Variants in CDH13 observed in about 807,000 individuals in gnomAD.
CDH13 encodes cadherin 13.
In CDH13, 24 loss-of-function variants were observed where a neutral mutation model predicts 63.8. The observed-to-expected ratio is 0.38, with a 90% confidence interval of 0.27 to 0.53. The LOEUF is 0.53. Ranked by LOEUF, CDH13 falls within the 20% of genes least tolerant of loss-of-function variation. CDH13 has a pLI of 0.85. For synonymous variants in CDH13, 503 were observed against 355.3 expected (o/e 1.42, Z -4.67); for missense variants, 1,049 against 903.1 (o/e 1.16, Z -2.07).
chr16:83,277,380 C>T (rs775250908), intron 5 of CDH13, among the ~76,000 whole-genome samples: 6 of 152,212 alleles, frequency 3.9e-5, no homozygotes, highest in Admixed American at 2.0e-4. Context: ...AACCATACTC[C>T]GAACCTACTG....
chr16:82,966,937 G>A (rs866955031), intron 2 of CDH13, among the ~76,000 whole-genome samples: 17 of 152,160 alleles, frequency 1.1e-4, no homozygotes, highest in South Asian at 6.2e-4. Context: ...TCCAATTACC[G>A]CACTAATGTT....
At chr16:83,194,786 G>A (rs1013004716) in intron 4 of CDH13, among the ~76,000 whole-genome samples, 1 of 152,246 alleles carries the variant, frequency 6.6e-6, no homozygotes, top group African/African-American at 2.4e-5. Flanking sequence ...ACCTGAGACG[G>A]GTCTGTGGCA....
chr16:83,411,833 A>T (rs1055754438), intron 6 of CDH13, among the ~76,000 whole-genome samples: 1 of 152,246 alleles, frequency 6.6e-6, no homozygotes, highest in African/African-American at 2.4e-5. Context: ...GTGTACTGGC[A>T]TCTGACTTCT....
intron 1 of CDH13, among the ~76,000 whole-genome samples, chr16:82,797,887 C>A (rs1477011436): frequency 6.6e-6 from 1 of 151,850 alleles, no homozygotes; most frequent in African/African-American, 2.4e-5. Flanking sequence ...CAGAAAGACA[C>A]CACAGCCTTC....
Position 83,610,767 on chromosome 16 carries a change from G to C in CDH13, c.1101+8173G>C, listed in dbSNP as rs115931174. ...TTTGGGGATAATTTAGGTAATAGTG[G>C]AATAAGTATTCTTGAATGTGTCTTT... On this transcript the variant is annotated intron_variant, in intron 8 of 13. Coordinates refer to ENST00000567109, the MANE Select transcript of CDH13 (RefSeq NM_001257.5). 1.5e-3 allele frequency among the ~76,000 whole-genome samples: 226 copies of C among 152,270 alleles called. 1 individual carries two copies. Among genetic ancestry groups the C allele is most frequent in the African/African-American group, 5.1e-3 (212 of 41,580 alleles).
intron 7 of CDH13, among the ~76,000 whole-genome samples, chr16:83,551,604 C>T (rs1257964469): frequency 3.3e-5 from 5 of 152,216 alleles, no homozygotes; most frequent in Non-Finnish European, 7.3e-5. Flanking sequence ...CTCATGTATT[C>T]ACTCAGGCTG....
chr16:83,501,412 T>C (rs1284967791), intron 7 of CDH13, among the ~76,000 whole-genome samples: 1 of 151,982 alleles, frequency 6.6e-6, no homozygotes, highest in Non-Finnish European at 1.5e-5. Context: ...ATTCAGGTTT[T>C]CTGTCTCCTT....
rs34036747 is a variant in CDH13 at position 82,890,650 on chromosome 16, CT to C, written c.157+32194del. ...CTATAAATTGAGCATGAGAGACATT[CT>C]TTTTTTTTTTTTTTTTCCAAGACTA... On this transcript the variant is annotated intron_variant, in intron 2 of 13. Transcript: ENST00000567109. Among the ~76,000 whole-genome samples, 265 of 139,230 alleles carry C rather than the reference CT, an allele frequency of 1.9e-3. 1 individual carries two copies. Among genetic ancestry groups the C allele is most frequent in the South Asian group, 0.018 (79 of 4,360 alleles). The allele number at this position is 139,230 out of a possible 152,430, so 91.3% of individuals were successfully genotyped here. A position where few individuals can be genotyped will look rare whatever the true frequency, so the allele number is the denominator to read the frequency against.
Position 83,170,020 on chromosome 16 carries a change from T to C in CDH13, c.483+44519T>C, listed in dbSNP as rs547175733. 3.7e-3 allele frequency among the ~76,000 whole-genome samples: 567 copies of C among 152,260 alleles called. 5 individuals carry two copies. Among genetic ancestry groups the C allele is most frequent in the Non-Finnish European group, 5.7e-3 (386 of 68,018 alleles). On this transcript the variant is annotated intron_variant, in intron 4 of 13. Transcript: ENST00000567109. ...AAATTAATTTTCCTTCCAAATGTTA[T>C]TTTATTTTATTTTAAATACCCATTC... is the stretch of plus-strand genomic sequence containing the variant.
intron 5 of CDH13, among the ~76,000 whole-genome samples, chr16:83,265,727 CTTTTTTTTTTTTTT>C (rs71272416): frequency 0.2 from 8,500 of 43,070 alleles, 526 homozygotes; most frequent in East Asian, 0.42. Flanking sequence ...TAAATTTCTG[CTTTTTTTTTTTTTT>C]TTTTTTTTTT....
At chr16:83,710,178 G>C (rs1182581934) in intron 10 of CDH13, 7 of 152,218 alleles carry the variant, frequency 4.6e-5, no homozygotes, top group Admixed American at 4.6e-4. Flanking sequence ...TCCAACCCCA[G>C]ATGTCAGGGG....
chr16:83,141,469 C>G (rs1330099033), intron 4 of CDH13, among the ~76,000 whole-genome samples: 1 of 152,154 alleles, frequency 6.6e-6, no homozygotes, highest in Non-Finnish European at 1.5e-5. Context: ...ATTTTCATTT[C>G]TCTTCGCAGT....
intron 3 of CDH13, among the ~76,000 whole-genome samples, chr16:83,061,386 G>C (rs1190046580): frequency 6.6e-6 from 1 of 152,164 alleles, no homozygotes; most frequent in Non-Finnish European, 1.5e-5. Context: ...CCAGCATCAT[G>C]GTTTATGCTA....
At chr16:83,250,973 T>C (rs951527601) in intron 5 of CDH13, among the ~76,000 whole-genome samples, 2 of 152,214 alleles carry the variant, frequency 1.3e-5, no homozygotes, top group South Asian at 4.1e-4. Flanking sequence ...TTTTAAAATA[T>C]GGTTTATATG....
Position 83,444,021 on chromosome 16 carries a change from A to G in CDH13, c.782-42456A>G, listed in dbSNP as rs1010783921. ...GATGGCAAAGACGGTGGTGAAGGTG[A>G]TGGCGATGATCATGGTGATGATGAT... On this transcript the variant is annotated intron_variant, in intron 6 of 13. Coordinates refer to ENST00000567109, the MANE Select transcript of CDH13 (RefSeq NM_001257.5). Among the ~76,000 whole-genome samples, 6 of 150,496 alleles carry G rather than the reference A, an allele frequency of 4.0e-5. 1 individual carries two copies. The highest frequency in any genetic ancestry group is 1.5e-4 in the African/African-American group (6 of 41,066).
intron 2 of CDH13, chr16:82,859,344 G>C (rs1257493222): frequency 6.6e-6 from 1 of 152,412 alleles, no homozygotes; most frequent in African/African-American, 2.4e-5. Flanking sequence ...GATGGCTTGA[G>C]GCCAGAAGTT....
At chr16:83,472,181 C>G (rs1598098424) in intron 6 of CDH13, among the ~76,000 whole-genome samples, 1 of 152,200 alleles carries the variant, frequency 6.6e-6, no homozygotes. Flanking sequence ...CGTTATACCT[C>G]AGGCTCACTG....
intron 2 of CDH13, among the ~76,000 whole-genome samples, chr16:83,028,499 A>G (rs908234912): frequency 6.6e-6 from 1 of 152,166 alleles, no homozygotes; most frequent in African/African-American, 2.4e-5. Context: ...AACAGGACTG[A>G]GCAGGGCAAT....
intron 2 of CDH13, among the ~76,000 whole-genome samples, chr16:82,874,051 G>C (rs969477838): frequency 1.3e-5 from 1 of 75,630 alleles, no homozygotes; most frequent in Non-Finnish European, 2.5e-5. Flanking sequence ...AAGATAATAA[G>C]ATGCACACAT....
Sources: allele counts gnomAD v4.1 joint callset (sites outside exome capture counted in the v4.1 genomes callset), GRCh38; gene constraint gnomAD v4.1.1; transcripts MANE v1.5; gene names NCBI Gene and HGNC (gene_info 2026-07-23, HGNC 2026-07-21).